The following SCYL3 variants were observed in gnomAD, a reference collection of about 807,000 sequenced individuals.
SCYL3 encodes protein-associating with the carboxyl-terminal domain of ezrin.
Under a neutral mutation model 73.8 loss-of-function variants are expected in SCYL3, and 35 were observed. The observed-to-expected ratio is 0.47, with a 90% confidence interval of 0.36 to 0.63. The LOEUF (loss-of-function observed/expected upper bound fraction) is 0.63, where lower values mean the gene tolerates loss of function less well. SCYL3 is among the 20% of genes least tolerant of loss of function. SCYL3 has a pLI of 0.00. For missense variants in SCYL3, 712 were observed against 798.9 expected, an observed-to-expected ratio of 0.89 and a Z score of 1.31; for synonymous variants, 277 against 295.2, an observed-to-expected ratio of 0.94 and a Z score of 0.63.
At chr1:169,867,007 C>T (rs1248508423) in intron 7 of SCYL3, 34 bp from the exon 8 acceptor site, 2 of 1,212,178 alleles carry the variant, frequency 1.6e-6, no homozygotes, top group Middle Eastern at 1.9e-4. Flanking sequence ...TTCAGCAGAA[C>T]AGATTAGAGA....
In SCYL3 at chr1:169,851,543, C is replaced by T; in HGVS notation, c.*2170G>A. 1 of 414,344 alleles carries T rather than the reference C, an allele frequency of 2.4e-6. No homozygotes were observed. Among genetic ancestry groups the T allele is most frequent in the South Asian group, 3.4e-5 (1 of 29,004 alleles). The allele number at this position is 414,344 out of a possible 1,614,324, so 25.7% of individuals were successfully genotyped here. ...TGGATTTTAAGTACATGTGTATACACTGCTGTTGCCAGTTTCTTAGCTTAT... is the reference window on the plus strand; with the variant it reads ...TGGATTTTAAGTACATGTGTATACATTGCTGTTGCCAGTTTCTTAGCTTAT... On this transcript the variant is annotated 3_prime_UTR_variant, in exon 13 of 13. Transcript: ENST00000367771.
Position 169,851,310 on chromosome 1 carries a change from T to C in SCYL3, c.*2403A>G, listed in dbSNP as rs1658289595. 6.6e-6 allele frequency: 1 copy of C among 152,466 alleles called. No homozygotes were observed. Among genetic ancestry groups the C allele is most frequent in the Admixed American group, 6.6e-5 (1 of 15,244 alleles). 9.4% of individuals were successfully genotyped at this position (152,466 alleles called of 1,614,324 possible). On this transcript the variant is annotated 3_prime_UTR_variant, in exon 13 of 13. Coordinates refer to ENST00000367771, the MANE Select transcript of SCYL3 (RefSeq NM_020423.7). Reference sequence around the variant, plus strand: ...TTATATATTTTACATATATTACATATATATTTTTTTAGGTGAAATGGGCCC... The same window carrying C: ...TTATATATTTTACATATATTACATACATATTTTTTTAGGTGAAATGGGCCC...
chr1:169,860,975 T>G (rs1008556281), intron 10 of SCYL3, among the ~76,000 whole-genome samples: 1 of 152,220 alleles, frequency 6.6e-6, no homozygotes, highest in Admixed American at 6.5e-5. Context: ...TTCATTGTCT[T>G]CCACATGCTC....
chr1:169,882,928 C>T (rs1195359060), intron 2 of SCYL3, among the ~76,000 whole-genome samples: 1 of 152,134 alleles, frequency 6.6e-6, no homozygotes, highest in Non-Finnish European at 1.5e-5. Context: ...AAGCAGGCTG[C>T]CCAGCCAGCA....
chr1:169,851,010 T>G lies in SCYL3; in HGVS notation c.*2703A>C, dbSNP rs1658164335. The G allele has an allele frequency of 2.9e-5, 1 of 33,986 alleles. No individual in the cohort carries two copies. The highest frequency in any genetic ancestry group is 5.8e-5 in the Non-Finnish European group (1 of 17,104). 2.1% of individuals were successfully genotyped at this position (33,986 alleles called of 1,614,324 possible). A position where few individuals can be genotyped will look rare whatever the true frequency, so the allele number is the denominator to read the frequency against. ...TTTTTTTTTTTTTTTTTTTTTTATT[T>G]GGGCAGCCTCCCAAGCCAGGGTAAG... On this transcript the variant is annotated 3_prime_UTR_variant, in exon 13 of 13. Transcript: ENST00000367771.
At chr1:169,885,861 G>A (rs765949928) in intron 2 of SCYL3, among the ~76,000 whole-genome samples, 1 of 152,158 alleles carries the variant, frequency 6.6e-6, no homozygotes, top group African/African-American at 2.4e-5. Flanking sequence ...AAGTCTGCAA[G>A]GTGTGGTGGG....
chr1:169,859,547 A>C (rs991203315), intron 10 of SCYL3, among the ~76,000 whole-genome samples: 2 of 152,212 alleles, frequency 1.3e-5, no homozygotes, highest in African/African-American at 4.8e-5. Flanking sequence ...CTGTAATAAA[A>C]AGTTCATGTA....
rs111744040 is a variant in SCYL3, at chr1:169,873,529, C to T, written c.522+167G>A. Among the ~76,000 whole-genome samples the T allele has an allele frequency of 4.3e-3, 651 of 152,292 alleles. 5 individuals carry two copies. Among genetic ancestry groups the T allele is most frequent in the African/African-American group, 0.015 (610 of 41,554 alleles). ...TATGTGACAAAAAAATTTAAGCTGG[C>T]TCCCTGGCTGTGGTGATAAGATTAA... On this transcript the variant is annotated intron_variant, in intron 5 of 12. Transcript: ENST00000367771.
rs1182777981 is a variant in SCYL3, at chr1:169,873,638, A to G, written c.522+58T>C. 1.5e-5 allele frequency: 19 copies of G among 1,233,052 alleles called. No homozygotes were observed. The Admixed American group carries it at 4.0e-4, about 26-fold the overall frequency. 76.4% of individuals were successfully genotyped at this position (1,233,052 alleles called of 1,614,324 possible). A position where few individuals can be genotyped will look rare whatever the true frequency, so the allele number is the denominator to read the frequency against. On this transcript the variant is annotated intron_variant, in intron 5 of 12. Transcript: ENST00000367771. Reference sequence around the variant, plus strand: ...GAGTAAGCAGAGGAAAGTTTTTTAAAATTTCATACTCAATTACACAAAGGC... The same window carrying G: ...GAGTAAGCAGAGGAAAGTTTTTTAAGATTTCATACTCAATTACACAAAGGC...
intron 5 of SCYL3, among the ~76,000 whole-genome samples, chr1:169,872,235 C>T (rs1011097511): frequency 7.2e-5 from 11 of 152,208 alleles, no homozygotes; most frequent in Non-Finnish European, 1.0e-4. Context: ...GCATCTCAGC[C>T]GCTCTAGCCA....
chr1:169,870,426 C>G, intron 5 of SCYL3, 69 bp from the exon 6 acceptor site: 2 of 960,844 alleles, frequency 2.1e-6, no homozygotes, highest in Admixed American at 4.1e-5. Flanking sequence ...TTCTCTGAAG[C>G]ACCTTCTCCC....
intron 2 of SCYL3, among the ~76,000 whole-genome samples, chr1:169,886,255 G>C (rs1478948222): frequency 6.6e-6 from 1 of 151,914 alleles, no homozygotes; most frequent in Non-Finnish European, 1.5e-5. Context: ...AGGTTGCAGT[G>C]AGCCAAGATC....
In SCYL3 at chr1:169,859,145, A is replaced by G; in HGVS notation, c.1208T>C (p.Leu403Pro). ...CACCTCTGGTCCAAGCAGAGAGACC[A>G]GCACTGCTAGGCTATGCAGAGTAAT... is the stretch of plus-strand genomic sequence containing the variant. ...VAITLHSLAV[L>P]VSLLGPEVVV... The change falls in exon 11 of 13, where the codon CTG becomes CCG. Residue 403 changes from leucine (L) to proline (P), a missense_variant. Physicochemically the swap from Leu to Pro is moderately conservative, Grantham distance 98. Coordinates refer to ENST00000367771, the MANE Select transcript of SCYL3 (RefSeq NM_020423.7). The G allele has an allele frequency of 2.5e-6, 4 of 1,614,050 alleles. No individual in the cohort carries two copies. Among genetic ancestry groups the G allele is most frequent in the Non-Finnish European group, 3.4e-6 (4 of 1,179,964 alleles).
chr1:169,874,152 C>A (rs1273510626), intron 4 of SCYL3, among the ~76,000 whole-genome samples: 1 of 152,162 alleles, frequency 6.6e-6, no homozygotes, highest in African/African-American at 2.4e-5. Context: ...CCAAATGAAT[C>A]TTAAGTCTTG....
chr1:169,878,803 C>T lies in SCYL3; in HGVS notation c.182G>A (p.Arg61His), dbSNP rs1661041073. ...NKAAKHLKTLRHPCLLRFLSC... is the reference protein window; with the variant it reads ...NKAAKHLKTLHHPCLLRFLSC... The stretch of plus-strand genomic sequence containing the variant: ...TAAAAATCTTAGCAAGCAAGGGTGA[C>T]GAAGTGTCTTCAAATGCTTTAAAAA... Residue 61 changes from arginine to histidine, a missense_variant, in exon 3 of 13, where the codon CGT becomes CAT. Coordinates refer to ENST00000367771, the MANE Select transcript of SCYL3 (RefSeq NM_020423.7). The T allele has an allele frequency of 1.2e-6, 2 of 1,611,430 alleles. No individual in the cohort carries two copies. The highest frequency in any genetic ancestry group is 1.7e-6 in the Non-Finnish European group (2 of 1,179,186).
chr1:169,853,915 T>G (rs998571945), intron 12 of SCYL3, 143 bp from the exon 13 acceptor site: 1 of 889,220 alleles, frequency 1.1e-6, no homozygotes, highest in Non-Finnish European at 1.7e-6. Flanking sequence ...AACTTAGAGC[T>G]CTAACAGAAA....
At position 169,853,034 on chromosome 1, in the gene SCYL3, A is replaced by ATACTT. The variant is rs1553258020; in HGVS notation, c.*674_*678dup. On this transcript the variant is annotated 3_prime_UTR_variant, in exon 13 of 13. Coordinates refer to ENST00000367771, the MANE Select transcript of SCYL3 (RefSeq NM_020423.7). Reference sequence around the variant, plus strand: ...GGGTTTGATGCTTTGTCAACTGAAAATACTTATGTCTGTACATTTTCTAAC... The same window carrying ATACTT: ...GGGTTTGATGCTTTGTCAACTGAAAATACTTTACTTATGTCTGTACATTTTCTAAC... 2.5e-6 allele frequency: 4 copies of ATACTT among 1,575,228 alleles called. No homozygotes were observed. The highest frequency in any genetic ancestry group is 3.5e-6 in the Non-Finnish European group (4 of 1,145,582).
intron 12 of SCYL3, 59 bp from the exon 13 acceptor site, chr1:169,853,831 ACGC>A: frequency 6.3e-7 from 1 of 1,586,492 alleles, no homozygotes; most frequent in South Asian, 1.1e-5. Context: ...CAAAAATCAT[ACGC>A]AAATTTGAAA....
At chr1:169,889,092 T>A (rs181180409) in intron 1 of SCYL3, among the ~76,000 whole-genome samples, 1 of 152,288 alleles carries the variant, frequency 6.6e-6, no homozygotes, top group Admixed American at 6.5e-5. Flanking sequence ...AAAATGCACA[T>A]TACTAAATAG....
Sources: gnomAD v4.1 joint callset for allele counts (sites outside exome capture counted in the v4.1 genomes callset) on GRCh38, gnomAD v4.1.1 for gene constraint, MANE v1.5 for transcripts, NCBI Gene and HGNC (gene_info 2026-07-23, HGNC 2026-07-21) for gene names.